SMIM13: variants seen among roughly 807,000 people sequenced by gnomAD.
SMIM13 encodes the protein UPF0766 protein C6orf228.
In SMIM13, 3 loss-of-function variants were observed where a neutral mutation model predicts 5.9. That is an observed-to-expected ratio of 0.51 (90% CI 0.23 to 1.31). The LOEUF (loss-of-function observed/expected upper bound fraction) is 1.31. Ranked by LOEUF, SMIM13 falls within the 40% of genes most tolerant of loss-of-function variation. The probability of loss-of-function intolerance (pLI) is 0.18; values close to 1 mark genes in which losing one functional copy is unlikely to be tolerated. For missense variants in SMIM13, 85 were observed against 109.9 expected (o/e 0.77, Z 1.01); for synonymous variants, 55 against 46.0 (o/e 1.19, Z -0.79).
intron 1 of SMIM13, among the ~76,000 whole-genome samples, chr6:11,117,071 A>G (rs1260635130): frequency 3.0e-5 from 4 of 133,518 alleles, no homozygotes; most frequent in South Asian, 2.4e-4. Flanking sequence ...GCTCACTGCA[A>G]CCTCCACCTC....
intron 1 of SMIM13, among the ~76,000 whole-genome samples, chr6:11,114,900 G>A (rs1247476078): frequency 6.6e-6 from 1 of 151,970 alleles, no homozygotes; most frequent in Non-Finnish European, 1.5e-5. Context: ...ACGCCCGGCT[G>A]TATTTTTTCT....
chr6:11,102,908 G>A (rs1385741742), intron 1 of SMIM13: 1 of 152,218 alleles, frequency 6.6e-6, no homozygotes, highest in African/African-American at 2.4e-5. Flanking sequence ...ACAAAAGGAA[G>A]CAAAGTGCAC....
chr6:11,105,536 T>A (rs1366877516), intron 1 of SMIM13: 7 of 495,396 alleles, frequency 1.4e-5, no homozygotes, highest in Admixed American at 7.0e-5. Context: ...ATTCCGGAGC[T>A]GAGGTTGCTG....
chr6:11,095,720 T>C (rs1757915311), intron 1 of SMIM13, among the ~76,000 whole-genome samples: 1 of 152,234 alleles, frequency 6.6e-6, no homozygotes, highest in East Asian at 1.9e-4. Flanking sequence ...TTTACAGCCT[T>C]TCTTTTCTGA....
At chr6:11,125,015 C>T (rs995011723) in intron 1 of SMIM13, among the ~76,000 whole-genome samples, 8 of 152,186 alleles carry the variant, frequency 5.3e-5, no homozygotes, top group African/African-American at 1.9e-4. Context: ...TGGTGGCTCA[C>T]GCCTGTAATC....
At chr6:11,106,045 C>G (rs1360197994) in intron 1 of SMIM13, among the ~76,000 whole-genome samples, 2 of 152,140 alleles carry the variant, frequency 1.3e-5, no homozygotes, top group African/African-American at 4.8e-5. Context: ...TTCCACTTTT[C>G]CTGAAGATTA....
intron 1 of SMIM13, chr6:11,103,148 C>T (rs72825117): frequency 0.02 from 3,089 of 152,654 alleles, 47 homozygotes; most frequent in South Asian, 0.049. Context: ...TTTCCCTTAC[C>T]AGTCAAGCCT....
intron 1 of SMIM13, among the ~76,000 whole-genome samples, chr6:11,129,276 T>TG (rs1758420823): frequency 6.6e-6 from 1 of 152,240 alleles, no homozygotes; most frequent in African/African-American, 2.4e-5. Context: ...AGTGAGATGA[T>TG]GTGATATTTG....
intron 1 of SMIM13, among the ~76,000 whole-genome samples, chr6:11,126,106 G>A (rs1481930493): frequency 5.9e-5 from 9 of 152,062 alleles, no homozygotes; most frequent in Non-Finnish European, 4.4e-5. Context: ...CTGGAGTGCA[G>A]TGGCACCATC....
chr6:11,111,012 G>T (rs186092780), intron 1 of SMIM13, among the ~76,000 whole-genome samples: 164 of 152,326 alleles, frequency 1.1e-3, no homozygotes, highest in Admixed American at 1.4e-3. Flanking sequence ...GGAGCTGACA[G>T]AGCTAAGGTT....
chr6:11,119,258 CTCTT>C (rs1217103995), intron 1 of SMIM13, among the ~76,000 whole-genome samples: 3 of 152,240 alleles, frequency 2.0e-5, no homozygotes, highest in Non-Finnish European at 4.4e-5. Context: ...TCTCCTCTCT[CTCTT>C]TCTCTCTCTC....
intron 1 of SMIM13, among the ~76,000 whole-genome samples, chr6:11,112,995 A>T (rs769025265): frequency 3.3e-5 from 5 of 151,448 alleles, no homozygotes; most frequent in Non-Finnish European, 5.9e-5. Context: ...TTTATTATAT[A>T]TTTTTTTGTA....
chr6:11,108,588 C>T (rs1040773874), intron 1 of SMIM13, among the ~76,000 whole-genome samples: 25 of 152,306 alleles, frequency 1.6e-4, no homozygotes, highest in African/African-American at 6.0e-4. Context: ...AAAGGGATCT[C>T]CCTGGGGCCT....
At chr6:11,130,144 G>T (rs1758433428) in intron 1 of SMIM13, among the ~76,000 whole-genome samples, 1 of 151,676 alleles carries the variant, frequency 6.6e-6, no homozygotes, top group Non-Finnish European at 1.5e-5. Context: ...TTACTTGGAG[G>T]ACAACTTGTT....
chr6:11,119,268 C>T lies in SMIM13; in HGVS notation c.77-15135C>T, dbSNP rs149061629. On this transcript the variant is annotated intron_variant, in intron 1 of 1. Transcript: ENST00000416247. Reference sequence around the variant, plus strand: ...CACTCTCTCCTCTCTCTCTTTCTCTCTCTCACTCACTCACTGTTTTTGAGA... The same window carrying T: ...CACTCTCTCCTCTCTCTCTTTCTCTTTCTCACTCACTCACTGTTTTTGAGA... 1.3e-3 allele frequency among the ~76,000 whole-genome samples: 201 copies of T among 152,302 alleles called. 2 individuals are homozygous for T. Among genetic ancestry groups the T allele is most frequent in the African/African-American group, 4.5e-3 (186 of 41,558 alleles).
chr6:11,126,317 G>A (rs779736486), intron 1 of SMIM13, among the ~76,000 whole-genome samples: 2 of 152,162 alleles, frequency 1.3e-5, no homozygotes, highest in Non-Finnish European at 2.9e-5. Flanking sequence ...CAAAGTGCTG[G>A]GATTATAGGC....
chr6:11,124,117 T>A (rs1044269178), intron 1 of SMIM13, among the ~76,000 whole-genome samples: 2 of 152,216 alleles, frequency 1.3e-5, no homozygotes, highest in Admixed American at 6.5e-5. Context: ...TCTAAATATG[T>A]TTTTGTACCC....
intron 1 of SMIM13, among the ~76,000 whole-genome samples, chr6:11,127,337 C>G (rs1758389837): frequency 6.6e-6 from 1 of 152,208 alleles, no homozygotes; most frequent in Admixed American, 6.5e-5. Flanking sequence ...AGCTGTAAGA[C>G]AAAATCCCTC....
At chr6:11,128,483 T>A (rs1485491715) in intron 1 of SMIM13, among the ~76,000 whole-genome samples, 4 of 152,092 alleles carry the variant, frequency 2.6e-5, no homozygotes, top group African/African-American at 9.7e-5. Flanking sequence ...GTACTGCTTG[T>A]AGTTGAGGAG....
Sources: gnomAD v4.1 joint callset for allele counts (sites outside exome capture counted in the v4.1 genomes callset) on GRCh38, gnomAD v4.1.1 for gene constraint, MANE v1.5 for transcripts, NCBI Gene and HGNC (gene_info 2026-07-23, HGNC 2026-07-21) for gene names.